FBXO34: variants seen among roughly 807,000 people sequenced by gnomAD.
FBXO34 encodes F-box protein 34, also known as F-box only protein 34.
In FBXO34, 12 loss-of-function variants were observed where a neutral mutation model predicts 24.5. That is an observed-to-expected ratio of 0.49 (90% CI 0.31 to 0.79). FBXO34 has a LOEUF of 0.79. Among genes scored for constraint, FBXO34 ranks in the 30% least tolerant of loss-of-function variants. The probability of loss-of-function intolerance (pLI) is 0.04; values close to 1 mark genes in which losing one functional copy is unlikely to be tolerated. For missense variants in FBXO34, 823 were observed against 857.7 expected (o/e 0.96, Z 0.51); for synonymous variants, 320 against 311.9 (o/e 1.03, Z -0.27).
At chr14:55,282,182 A>T (rs1356799903) in intron 1 of FBXO34, 3 of 192,076 alleles carry the variant, frequency 1.6e-5, no homozygotes, top group Non-Finnish European at 3.3e-5. Context: ...ATTTTAGTAG[A>T]CAGGGTTTCT....
At chr14:55,323,505 C>A (rs1594751703) in intron 1 of FBXO34, among the ~76,000 whole-genome samples, 1 of 151,790 alleles carries the variant, frequency 6.6e-6, no homozygotes, top group Non-Finnish European at 1.5e-5. Context: ...GCCTCAGCCT[C>A]CCGAGTAGCT....
chr14:55,439,621 C>G, the FBXO34 span, among the ~76,000 whole-genome samples: 36 of 138,238 alleles, frequency 2.6e-4, 6 homozygotes, highest in East Asian at 8.9e-3. Context: ...CAAACCCCCC[C>G]CCGTCTCTAC....
Position 55,351,833 on chromosome 14 carries a change from G to C in FBXO34, c.1443G>C (p.Met481Ile). 6.2e-7 allele frequency: 1 copy of C among 1,614,140 alleles called. No individual in the cohort carries two copies. The highest frequency in any genetic ancestry group is 8.5e-7 in the Non-Finnish European group (1 of 1,179,994). The change falls in exon 2 of 2, where the codon ATG becomes ATC. Residue 481 changes from methionine (M) to isoleucine (I), a missense_variant. This residue lies in a region of FBXO34 where 693 missense variants were observed against 659.1 expected (regional missense o/e 1.05). Coordinates refer to ENST00000313833, the MANE Select transcript of FBXO34 (RefSeq NM_017943.4). ...CCTGTGAAGACCCAGTTCCAGGGAT[G>C]TTGTTTTTTTTGCCACCTGGTCAGC... is the stretch of plus-strand genomic sequence containing the variant. ...LNSCEDPVPG[M>I]LFFLPPGQHL... is the part of the protein sequence containing the mutation.
At chr14:55,316,259 A>G (rs1882922042) in intron 1 of FBXO34, among the ~76,000 whole-genome samples, 1 of 152,122 alleles carries the variant, frequency 6.6e-6, no homozygotes, top group South Asian at 2.1e-4. Context: ...TACAGGATGA[A>G]CATGTAGAGT....
downstream of FBXO34, among the ~76,000 whole-genome samples, chr14:55,362,128 T>G (rs1884601931): frequency 6.6e-6 from 1 of 152,226 alleles, no homozygotes; most frequent in African/African-American, 2.4e-5. Context: ...ACTCTTTCAT[T>G]TGAACACTTA....
At chr14:55,283,968 G>GTGTC (rs1555334928) in intron 1 of FBXO34, among the ~76,000 whole-genome samples, 18 of 147,646 alleles carry the variant, frequency 1.2e-4, no homozygotes, top group African/African-American at 4.8e-4. Context: ...GTGTGTGTGT[G>GTGTC]TGTGTGTCTG....
At chr14:55,296,042 A>G (rs1460107515) in intron 1 of FBXO34, among the ~76,000 whole-genome samples, 1 of 152,168 alleles carries the variant, frequency 6.6e-6, no homozygotes, top group South Asian at 2.1e-4. Context: ...AATCCCAGCT[A>G]CTTGTGAGGC....
At chr14:55,377,906 T>TA in the FBXO34 span, 79 of 1,599,422 alleles carry the variant, frequency 4.9e-5, no homozygotes, top group South Asian at 2.4e-4. Flanking sequence ...ATTTACATGC[T>TA]AAAAAAAATT....
At chr14:55,333,464 T>C (rs1883667362) in intron 1 of FBXO34, among the ~76,000 whole-genome samples, 1 of 152,190 alleles carries the variant, frequency 6.6e-6, no homozygotes, top group African/African-American at 2.4e-5. Flanking sequence ...CTGTGCATAC[T>C]TGACAATCTA....
chr14:55,347,401 T>G (rs1884194774), intron 1 of FBXO34, among the ~76,000 whole-genome samples: 1 of 152,190 alleles, frequency 6.6e-6, no homozygotes, highest in South Asian at 2.1e-4. Flanking sequence ...CAAACAAAAC[T>G]TAGATTTTTG....
At chr14:55,321,849 A>AAC (rs1180837582) in intron 1 of FBXO34, among the ~76,000 whole-genome samples, 2 of 152,236 alleles carry the variant, frequency 1.3e-5, no homozygotes, top group Non-Finnish European at 2.9e-5. Context: ...AAAAATACTC[A>AAC]TCTTTAGTGG....
At chr14:55,391,735 A>G in the FBXO34 span, among the ~76,000 whole-genome samples, 2 of 152,220 alleles carry the variant, frequency 1.3e-5, no homozygotes, top group Non-Finnish European at 2.9e-5. Context: ...GCGCAGATAC[A>G]GAACTCAAGC....
the FBXO34 span, chr14:55,385,740 T>C: frequency 1.1e-6 from 1 of 907,710 alleles, no homozygotes; most frequent in East Asian, 2.5e-5. Flanking sequence ...AGACTTATGT[T>C]CCATCACCAG....
downstream of FBXO34, among the ~76,000 whole-genome samples, chr14:55,357,604 C>T (rs1405475512): frequency 6.6e-6 from 1 of 152,128 alleles, no homozygotes; most frequent in Non-Finnish European, 1.5e-5. Flanking sequence ...TCATTAAGCT[C>T]AGGAGTTTGA....
chr14:55,315,539 A>C (rs543545769), intron 1 of FBXO34, among the ~76,000 whole-genome samples: 1 of 152,308 alleles, frequency 6.6e-6, no homozygotes, highest in South Asian at 2.1e-4. Context: ...TGCCTGTGAA[A>C]GGGTTTATGT....
rs1884409031 is a variant in FBXO34 at position 55,352,109 on chromosome 14, G to A, written c.1719G>A (p.Gln573=). The A allele has an allele frequency of 6.2e-7, 1 of 1,614,198 alleles. No homozygotes were observed. Among genetic ancestry groups the A allele is most frequent in the South Asian group, 1.1e-5 (1 of 91,074 alleles). ...FKIQQLLEPQ[Q]YMAFLPHHIM... is the part of the protein sequence containing the mutation. ...TCCAGCAGCTTTTGGAGCCTCAGCAGTACATGGCTTTTCTGCCCCACCACA... is the reference window on the plus strand; with the variant it reads ...TCCAGCAGCTTTTGGAGCCTCAGCAATACATGGCTTTTCTGCCCCACCACA... Residue 573 remains glutamine (Q), a synonymous_variant, in exon 2 of 2, where the codon CAG becomes CAA. Coordinates refer to ENST00000313833, the MANE Select transcript of FBXO34 (RefSeq NM_017943.4).
intron 1 of FBXO34, chr14:55,298,743 C>G: frequency 6.4e-7 from 1 of 1,571,154 alleles, no homozygotes; most frequent in Admixed American, 1.7e-5. Context: ...AAGCAAGAAA[C>G]AGGAGTTCCT....
At chr14:55,305,077 C>A (rs906762252) in intron 1 of FBXO34, among the ~76,000 whole-genome samples, 4 of 152,068 alleles carry the variant, frequency 2.6e-5, no homozygotes, top group Non-Finnish European at 4.4e-5. Context: ...AAATAAAAAT[C>A]CTAATTAGTG....
At chr14:55,424,711 T>C in the FBXO34 span, among the ~76,000 whole-genome samples, 1 of 152,262 alleles carries the variant, frequency 6.6e-6, no homozygotes, top group Non-Finnish European at 1.5e-5. Flanking sequence ...TCTAGGCCAC[T>C]GCTATTTGTA....
Sources: allele counts gnomAD v4.1 joint callset (sites outside exome capture counted in the v4.1 genomes callset), GRCh38; gene constraint gnomAD v4.1.1; regional missense constraint gnomAD v4.1.1; transcripts MANE v1.5; gene names NCBI Gene and HGNC (gene_info 2026-07-23, HGNC 2026-07-21).